The following FAM120B variants were observed in gnomAD, a reference collection of about 807,000 sequenced individuals.
FAM120B encodes family with sequence similarity 120 member B.
A neutral mutation model predicts 96.3 loss-of-function variants in FAM120B; 83 were observed. The ratio of observed to expected loss-of-function variants is 0.86; its 90% CI spans 0.72 to 1.03. FAM120B has a LOEUF of 1.03. Ranked by LOEUF, FAM120B falls within the 50% of genes least tolerant of loss-of-function variation. The pLI is 0.00. For synonymous variants in FAM120B, 407 were observed against 402.7 expected (o/e 1.01, Z -0.13); for missense variants, 1,027 against 1,121.2 (o/e 0.92, Z 1.20).
At chr6:170,291,065 G>A (rs976886237), upstream of FAM120B, 2 of 701,456 alleles carry the variant, frequency 2.9e-6, no homozygotes, top group African/African-American at 3.5e-5. Context: ...TCAATGGATC[G>A]CCAAATGGTC....
intron 5 of FAM120B, 78 bp downstream of exon 5, chr6:170,348,401 G>C (rs1787355219): frequency 1.5e-6 from 2 of 1,343,668 alleles, no homozygotes; most frequent in Non-Finnish European, 2.1e-6. Context: ...TATTGCCATG[G>C]CTGGTGTCCC....
chr6:170,378,948 C>G (rs558011735), intron 6 of FAM120B, among the ~76,000 whole-genome samples: 1 of 152,232 alleles, frequency 6.6e-6, no homozygotes, highest in African/African-American at 2.4e-5. Flanking sequence ...TGGGGGTGTG[C>G]CTGTGTCAGG....
rs528539648 is a variant in FAM120B at position 170,376,079 on chromosome 6, A to C, written c.2284-12208A>C. On this transcript the variant is annotated intron_variant, in intron 6 of 10. Transcript: ENST00000476287. Reference sequence around the variant, plus strand: ...CAGAACTGGAGGTGGAGATGAAGAGAGAGATGGCAGGTCATGTTCAGGAAG... The same window carrying C: ...CAGAACTGGAGGTGGAGATGAAGAGCGAGATGGCAGGTCATGTTCAGGAAG... Among the ~76,000 whole-genome samples the C allele has an allele frequency of 2.0e-5, 3 of 152,254 alleles. No individual in the cohort carries two copies. The East Asian group carries it at 5.8e-4, about 30-fold the overall frequency.
chr6:170,346,123 A>G (rs1420066934), intron 4 of FAM120B, among the ~76,000 whole-genome samples: 1 of 152,218 alleles, frequency 6.6e-6, no homozygotes, highest in East Asian at 1.9e-4. Context: ...AGATCTATCG[A>G]TGACCAAAAT....
At chr6:170,384,499 G>A (rs750602081) in intron 6 of FAM120B, among the ~76,000 whole-genome samples, 4 of 152,178 alleles carry the variant, frequency 2.6e-5, no homozygotes, top group Non-Finnish European at 4.4e-5. Flanking sequence ...AAACCAGTGC[G>A]CCTGCATCAG....
intron 5 of FAM120B, among the ~76,000 whole-genome samples, chr6:170,350,117 G>A (rs1158807541): frequency 6.6e-6 from 1 of 152,158 alleles, no homozygotes; most frequent in African/African-American, 2.4e-5. Context: ...AGACCCAAGA[G>A]TTTTACATAC....
intron 4 of FAM120B, among the ~76,000 whole-genome samples, chr6:170,336,050 A>G (rs1181590457): frequency 6.6e-6 from 1 of 152,136 alleles, no homozygotes; most frequent in African/African-American, 2.4e-5. Context: ...TCTTCAGTTT[A>G]ATTAGATCCC....
chr6:170,402,897 T>C (rs750973980), intron 9 of FAM120B, among the ~76,000 whole-genome samples: 12 of 152,178 alleles, frequency 7.9e-5, no homozygotes, highest in Non-Finnish European at 1.6e-4. Context: ...CATAAATAGG[T>C]CTTTGAAGAA....
chr6:170,349,117 T>C (rs1787410213), intron 5 of FAM120B, among the ~76,000 whole-genome samples: 1 of 152,208 alleles, frequency 6.6e-6, no homozygotes, highest in Non-Finnish European at 1.5e-5. Flanking sequence ...TGCTCCCATC[T>C]CCCAGCCCCT....
intron 3 of FAM120B, among the ~76,000 whole-genome samples, chr6:170,324,269 T>C (rs1785462843): frequency 6.6e-6 from 1 of 152,166 alleles, no homozygotes; most frequent in East Asian, 1.9e-4. Flanking sequence ...ATCCAGTTTT[T>C]GTTAGATTCC....
intron 4 of FAM120B, among the ~76,000 whole-genome samples, chr6:170,332,066 G>A (rs901502207): frequency 2.0e-5 from 3 of 151,584 alleles, no homozygotes; most frequent in South Asian, 2.1e-4. Flanking sequence ...GGAGGGCCAC[G>A]TCTTAAACAC....
intron 5 of FAM120B, among the ~76,000 whole-genome samples, chr6:170,356,660 G>A (rs1161841457): frequency 6.6e-6 from 1 of 151,926 alleles, no homozygotes; most frequent in Non-Finnish European, 1.5e-5. Flanking sequence ...TTATATTCGG[G>A]TTTTACATCC....
intron 1 of FAM120B, 35 bp from the exon 2 acceptor site, chr6:170,317,335 G>A (rs1455778006): frequency 5.3e-6 from 8 of 1,502,648 alleles, no homozygotes; most frequent in African/African-American, 4.1e-5. Context: ...TAATGATAAT[G>A]CCATAATTAC....
At chr6:170,341,335 C>T (rs576917034) in intron 4 of FAM120B, among the ~76,000 whole-genome samples, 91 of 152,286 alleles carry the variant, frequency 6.0e-4, no homozygotes, top group African/African-American at 2.0e-3. Flanking sequence ...TAATGGCAGA[C>T]GCCCCTCCCC....
chr6:170,307,484 A>G (rs1017614952), intron 1 of FAM120B, among the ~76,000 whole-genome samples: 5 of 152,226 alleles, frequency 3.3e-5, no homozygotes, highest in African/African-American at 1.2e-4. Context: ...GGAAATTTCC[A>G]TAAAGGTTGG....
At chr6:170,385,566 G>A (rs111699686) in intron 6 of FAM120B, among the ~76,000 whole-genome samples, 4 of 152,282 alleles carry the variant, frequency 2.6e-5, no homozygotes, top group African/African-American at 9.6e-5. Context: ...GGAATTCAAA[G>A]TGGTGAAGCC....
At chr6:170,397,517 C>T (rs1360079644) in intron 9 of FAM120B, among the ~76,000 whole-genome samples, 1 of 152,074 alleles carries the variant, frequency 6.6e-6, no homozygotes, top group Non-Finnish European at 1.5e-5. Context: ...GAGTCCACCC[C>T]GACCGAGAAG....
Position 170,330,392 on chromosome 6 carries a change from T to A in FAM120B, c.1916-57T>A, listed in dbSNP as rs1275899982. 1.4e-5 allele frequency: 20 copies of A among 1,398,034 alleles called. 2 individuals are homozygous for A. Among genetic ancestry groups the A allele is most frequent in the South Asian group, 1.3e-4 (11 of 84,828 alleles). 86.6% of individuals were successfully genotyped at this position (1,398,034 alleles called of 1,614,324 possible). On this transcript the variant is annotated intron_variant, in intron 3 of 10. Transcript: ENST00000476287. The stretch of plus-strand genomic sequence containing the variant: ...CTGGGCAGAGCTGGGTCTGTGACAC[T>A]GTGAGCCTGGCGATGCATGCCCTCA...
rs576796334 is a variant in FAM120B at position 170,335,185 on chromosome 6, G to C, written c.2017+4635G>C. Among the ~76,000 whole-genome samples the C allele has an allele frequency of 1.3e-3, 202 of 151,372 alleles. 1 individual carries two copies. The highest frequency in any genetic ancestry group is 4.6e-3 in the African/African-American group (190 of 41,264). The stretch of plus-strand genomic sequence containing the variant: ...TAAGCCCCACATGCATTAGGTATTT[G>C]TCCTAATGCTGCCCCTCCCCTTGCC... On this transcript the variant is annotated intron_variant, in intron 4 of 10. Coordinates refer to ENST00000476287, the MANE Select transcript of FAM120B (RefSeq NM_032448.3).
Sources: allele counts gnomAD v4.1 joint callset (sites outside exome capture counted in the v4.1 genomes callset), GRCh38; gene constraint gnomAD v4.1.1; transcripts MANE v1.5; gene names NCBI Gene and HGNC (gene_info 2026-07-23, HGNC 2026-07-21).